Variants in KCNU1 observed in about 807,000 individuals in gnomAD.
KCNU1 encodes potassium calcium-activated channel subfamily U member 1.
KCNU1 carries 93 observed loss-of-function variants against 126.8 expected under a neutral mutation model. That is an observed-to-expected ratio of 0.73 (90% CI 0.62 to 0.87). The LOEUF (loss-of-function observed/expected upper bound fraction) is 0.87. KCNU1 is among the 40% of genes least tolerant of loss of function. KCNU1 has a pLI of 0.00. For synonymous variants in KCNU1, 523 were observed against 494.2 expected (o/e 1.06, Z -0.77); for missense variants, 1,330 against 1,367.1 (o/e 0.97, Z 0.43).
In KCNU1 at chr8:36,836,369, T is replaced by TAGTA. The variant is rs1391747585; in HGVS notation, c.1365+6_1365+9dup. On this transcript the variant is annotated splice_donor_region_variant and intron_variant, in intron 13 of 26. Transcript: ENST00000399881. ...GATACTGCAATCCCATAACAAGGTA[T>TAGTA]AGTAACATTCTAGCATATTCCATCT... The TAGTA allele has an allele frequency of 3.8e-6, 6 of 1,569,374 alleles. No individual in the cohort carries two copies. The highest frequency in any genetic ancestry group is 5.3e-6 in the Non-Finnish European group (6 of 1,141,402).
chr8:36,859,710 CAT>C, intron 18 of KCNU1, among the ~76,000 whole-genome samples: 1 of 152,108 alleles, frequency 6.6e-6, no homozygotes, highest in African/African-American at 2.4e-5. Flanking sequence ...ACAGAGGAAA[CAT>C]AGAGTGCTGG....
intron 19 of KCNU1, among the ~76,000 whole-genome samples, chr8:36,866,946 C>G (rs1156697590): frequency 6.6e-6 from 1 of 152,162 alleles, no homozygotes; most frequent in Non-Finnish European, 1.5e-5. Context: ...TTGATCATTA[C>G]ACATTCTACA....
intron 23 of KCNU1, among the ~76,000 whole-genome samples, chr8:36,922,155 G>T (rs1296658402): frequency 6.6e-6 from 1 of 152,160 alleles, no homozygotes; most frequent in Non-Finnish European, 1.5e-5. Context: ...CAATTTTCGA[G>T]CATGCTCCCT....
rs1306098008 is a variant in KCNU1, at chr8:36,826,270, CCT to C, written c.1107-7283_1107-7282del. Among the ~76,000 whole-genome samples the C allele has an allele frequency of 5.6e-3, 852 of 151,806 alleles. 10 individuals carry two copies. The highest frequency in any genetic ancestry group is 0.02 in the African/African-American group (808 of 41,404). ...TGTCACCCAGGCTGGAGCGCAGTGG[CCT>C]GATCTTGGCTCACTGCAACCTCTGC... On this transcript the variant is annotated intron_variant, in intron 10 of 26. Coordinates refer to ENST00000399881, the MANE Select transcript of KCNU1 (RefSeq NM_001031836.3).
chr8:36,896,731 A>T (rs1228065216), intron 19 of KCNU1, among the ~76,000 whole-genome samples: 2 of 152,076 alleles, frequency 1.3e-5, no homozygotes, highest in African/African-American at 4.8e-5. Flanking sequence ...TCTTTTTCAC[A>T]CAGTAAAAAG....
chr8:36,897,751 C>G (rs1321256333), intron 19 of KCNU1, among the ~76,000 whole-genome samples: 2 of 152,112 alleles, frequency 1.3e-5, no homozygotes, highest in Non-Finnish European at 2.9e-5. Context: ...AGTCACAGAC[C>G]TACACTAATC....
chr8:36,845,672 A>G lies in KCNU1; in HGVS notation c.1793+3A>G. 6.3e-7 allele frequency: 1 copy of G among 1,590,824 alleles called. No homozygotes were observed. The highest frequency in any genetic ancestry group is 8.6e-7 in the Non-Finnish European group (1 of 1,158,818). On this transcript the variant is annotated splice_donor_region_variant and intron_variant, in intron 17 of 26. Coordinates refer to ENST00000399881, the MANE Select transcript of KCNU1 (RefSeq NM_001031836.3). ...GAAACTCCAAAGGACGTCAGAAGGT[A>G]ATTTTATTATTTTATGGGGGAAAAG...
Position 36,846,788 on chromosome 8 carries a change from G to GAAAA in KCNU1, c.1891+904_1891+907dup, listed in dbSNP as rs373337302. Among the ~76,000 whole-genome samples the GAAAA allele has an allele frequency of 8.2e-5, 9 of 110,232 alleles. 1 individual carries two copies. Among genetic ancestry groups the GAAAA allele is most frequent in the East Asian group, 2.8e-4 (1 of 3,594 alleles). The allele number at this position is 110,232 out of a possible 152,430, so 72.3% of individuals were successfully genotyped here. On this transcript the variant is annotated intron_variant, in intron 18 of 26. Coordinates refer to ENST00000399881, the MANE Select transcript of KCNU1 (RefSeq NM_001031836.3). ...TGCACTCCAGCCTGGGCGACAGAGC[G>GAAAA]AAAAAAAAAAAAAAAAAACTTAGCC...
At chr8:36,811,094 G>A (rs1803693156) in intron 7 of KCNU1, among the ~76,000 whole-genome samples, 1 of 152,082 alleles carries the variant, frequency 6.6e-6, no homozygotes, top group South Asian at 2.1e-4. Flanking sequence ...ATGGTGGACA[G>A]GACTGGAGCA....
chr8:36,809,781 A>T (rs1803642506), intron 7 of KCNU1, among the ~76,000 whole-genome samples: 1 of 152,120 alleles, frequency 6.6e-6, no homozygotes, highest in Admixed American at 6.5e-5. Flanking sequence ...AGTCATTAGG[A>T]CTTTTTTTTC....
At chr8:36,833,135 C>T (rs1804616098) in intron 10 of KCNU1, among the ~76,000 whole-genome samples, 2 of 151,976 alleles carry the variant, frequency 1.3e-5, no homozygotes, top group African/African-American at 4.8e-5. Context: ...TCTAAATGTT[C>T]TTTTCAGAAT....
intron 18 of KCNU1, among the ~76,000 whole-genome samples, chr8:36,854,507 T>C (rs1805463532): frequency 6.6e-6 from 1 of 151,830 alleles, no homozygotes; most frequent in South Asian, 2.1e-4. Context: ...GTCTGATCTT[T>C]AGTTCCTCTT....
chr8:36,928,039 G>A (rs1366131595), intron 24 of KCNU1, among the ~76,000 whole-genome samples: 1 of 151,156 alleles, frequency 6.6e-6, no homozygotes, highest in Non-Finnish European at 1.5e-5. Context: ...ACGGAGGGAG[G>A]GAAAGGGAAG....
chr8:36,842,510 A>T (rs879834728), intron 16 of KCNU1, among the ~76,000 whole-genome samples: 1 of 152,210 alleles, frequency 6.6e-6, no homozygotes, highest in Non-Finnish European at 1.5e-5. Flanking sequence ...CATCTGCATA[A>T]ATGAGCCTCC....
chr8:36,911,330 C>T (rs1436783776), intron 22 of KCNU1, among the ~76,000 whole-genome samples: 1 of 152,076 alleles, frequency 6.6e-6, no homozygotes, highest in Non-Finnish European at 1.5e-5. Flanking sequence ...TGTGCATCTT[C>T]TAAATGGAAT....
At chr8:36,855,765 A>AT (rs1367083932) in intron 18 of KCNU1, among the ~76,000 whole-genome samples, 1 of 149,654 alleles carries the variant, frequency 6.7e-6, no homozygotes, top group Non-Finnish European at 1.5e-5. Context: ...CTTTTATTTT[A>AT]TTTTTTTTCT....
rs993016443 is a variant in KCNU1, at chr8:36,899,699, G to C, written c.2010-6009G>C. Among the ~76,000 whole-genome samples the C allele has an allele frequency of 2.0e-5, 3 of 152,058 alleles. No homozygotes were observed. In the South Asian group the frequency reaches 6.2e-4, roughly 31 times the overall value. On this transcript the variant is annotated intron_variant, in intron 19 of 26. Coordinates refer to ENST00000399881, the MANE Select transcript of KCNU1 (RefSeq NM_001031836.3). ...ACATTTCAGGGCTATTGGCCACCTAGCTGTCTTCTCTGTCTTCTCTTCCAT... is the reference window on the plus strand; with the variant it reads ...ACATTTCAGGGCTATTGGCCACCTACCTGTCTTCTCTGTCTTCTCTTCCAT...
At chr8:36,820,653 C>T (rs1341426496) in intron 10 of KCNU1, among the ~76,000 whole-genome samples, 1 of 149,112 alleles carries the variant, frequency 6.7e-6, no homozygotes, top group Non-Finnish European at 1.5e-5. Flanking sequence ...TCGAGCAGAA[C>T]TTAGAAGCAA....
Position 36,851,368 on chromosome 8 carries a change from T to TTCCCTTCTCTC in KCNU1, c.1891+5472_1891+5482dup, listed in dbSNP as rs531460336. 2.8e-4 allele frequency among the ~76,000 whole-genome samples: 41 copies of TTCCCTTCTCTC among 147,228 alleles called. 1 individual carries two copies. The East Asian group carries it at 8.0e-3, about 29-fold the overall frequency. ...GTTCTGATGGTTTAAAGTGTGGCAC[T>TTCCCTTCTCTC]TCCCTTCTCTCTCTCTCTATCTCTC... On this transcript the variant is annotated intron_variant, in intron 18 of 26. Coordinates refer to ENST00000399881, the MANE Select transcript of KCNU1 (RefSeq NM_001031836.3).
Sources: gnomAD v4.1 joint callset for allele counts (sites outside exome capture counted in the v4.1 genomes callset) on GRCh38, gnomAD v4.1.1 for gene constraint, MANE v1.5 for transcripts, NCBI Gene and HGNC (gene_info 2026-07-23, HGNC 2026-07-21) for gene names.